CLIP4: variants seen among roughly 807,000 people sequenced by gnomAD.
CLIP4 encodes the protein CAP-Gly domain-containing linker protein 4.
Under a neutral mutation model 73.1 loss-of-function variants are expected in CLIP4, and 47 were observed. The ratio of observed to expected loss-of-function variants is 0.64; its 90% CI spans 0.51 to 0.82. The LOEUF (loss-of-function observed/expected upper bound fraction) is 0.82. Among genes scored for constraint, CLIP4 ranks in the 40% least tolerant of loss-of-function variants. The probability of loss-of-function intolerance (pLI) is 0.00; values close to 1 mark genes in which losing one functional copy is unlikely to be tolerated. For missense variants in CLIP4, 874 were observed against 852.9 expected, an observed-to-expected ratio of 1.02 and a Z score of -0.31; for synonymous variants, 306 against 295.4, an observed-to-expected ratio of 1.04 and a Z score of -0.37.
chr2:29,128,453 A>G (rs1292193984), intron 2 of CLIP4, among the ~76,000 whole-genome samples: 1 of 152,074 alleles, frequency 6.6e-6, no homozygotes, highest in Non-Finnish European at 1.5e-5. Context: ...CAAAAACAAA[A>G]AAAAACAAAA....
intron 11 of CLIP4, 135 bp downstream of exon 11, chr2:29,157,482 C>G: frequency 7.2e-7 from 1 of 1,390,924 alleles, no homozygotes; most frequent in Non-Finnish European, 1.0e-6. Flanking sequence ...CTCTTCCCCA[C>G]CTCCCCCGAA....
chr2:29,104,386 C>T (rs1263951742), intron 1 of CLIP4, among the ~76,000 whole-genome samples: 1 of 152,174 alleles, frequency 6.6e-6, no homozygotes, highest in Admixed American at 6.5e-5. Context: ...AGTGATCCTC[C>T]AGCCTCAACC....
intron 1 of CLIP4, among the ~76,000 whole-genome samples, chr2:29,099,989 G>T (rs1327517025): frequency 6.6e-6 from 1 of 152,004 alleles, no homozygotes; most frequent in Non-Finnish European, 1.5e-5. Context: ...AATTCCCATT[G>T]TTAACTGCTG....
intron 8 of CLIP4, 29 bp downstream of exon 8, chr2:29,145,396 G>C (rs1666086063): frequency 1.3e-6 from 2 of 1,533,874 alleles, no homozygotes; most frequent in Non-Finnish European, 1.8e-6. Flanking sequence ...AACTCGGTAA[G>C]AATTAATTAA....
At chr2:29,168,562 G>T (rs542990404) in intron 14 of CLIP4, among the ~76,000 whole-genome samples, 106 of 105,788 alleles carry the variant, frequency 1.0e-3, no homozygotes, top group African/African-American at 3.8e-3. Flanking sequence ...TCTCTCTGTT[G>T]CCCAGGCTGG....
intron 2 of CLIP4, 43 bp downstream of exon 2, chr2:29,121,564 TG>T (rs746511555): frequency 6.2e-7 from 1 of 1,601,764 alleles, no homozygotes. Flanking sequence ...ACTGGTAACT[TG>T]ACTTCTCTGT....
chr2:29,138,048 G>A (rs1275236180), intron 6 of CLIP4, among the ~76,000 whole-genome samples: 3 of 152,090 alleles, frequency 2.0e-5, no homozygotes, highest in East Asian at 1.9e-4. Context: ...TGTTGCCTTC[G>A]CTTTTGAGGA....
At chr2:29,135,167 C>T (rs1665261184) in intron 5 of CLIP4, among the ~76,000 whole-genome samples, 1 of 152,136 alleles carries the variant, frequency 6.6e-6, no homozygotes, top group Admixed American at 6.6e-5. Context: ...AGGTTGCTGA[C>T]CCCTGAGCTA....
intron 2 of CLIP4, among the ~76,000 whole-genome samples, chr2:29,125,984 G>C (rs1327158369): frequency 6.6e-6 from 1 of 152,158 alleles, no homozygotes; most frequent in Admixed American, 6.5e-5. Context: ...AGACCAGCCT[G>C]ACCAACATGG....
At chr2:29,136,972 A>G (rs1665412434) in intron 6 of CLIP4, among the ~76,000 whole-genome samples, 1 of 151,822 alleles carries the variant, frequency 6.6e-6, no homozygotes, top group African/African-American at 2.4e-5. Flanking sequence ...AAAAAGGTAA[A>G]CGTATGGGTC....
At position 29,133,764 on chromosome 2, in the gene CLIP4, T is replaced by C. The variant is rs989343106; in HGVS notation, c.477T>C (p.Tyr159=). The C allele has an allele frequency of 6.2e-7, 1 of 1,613,252 alleles. No individual in the cohort carries two copies. Among genetic ancestry groups the C allele is most frequent in the African/African-American group, 1.3e-5 (1 of 74,900 alleles). ...TGAATGCTTTGCATTATGCTGCTTA[T>C]TTTGATGTCCCTGAACTTATAAGAG... ...TNMNALHYAA[Y]FDVPELIRVI... The change falls in exon 5 of 16, where the codon TAT becomes TAC. Residue 159 remains tyrosine, a synonymous_variant. Coordinates refer to ENST00000320081, the MANE Select transcript of CLIP4 (RefSeq NM_024692.6).
intron 9 of CLIP4, among the ~76,000 whole-genome samples, chr2:29,153,082 C>A (rs1193464679): frequency 6.6e-6 from 1 of 152,050 alleles, no homozygotes; most frequent in Non-Finnish European, 1.5e-5. Context: ...ATCCTCAAGG[C>A]TAGATTTCAT....
intron 8 of CLIP4, among the ~76,000 whole-genome samples, chr2:29,151,336 A>T (rs970106689): frequency 2.6e-5 from 4 of 152,202 alleles, no homozygotes; most frequent in African/African-American, 9.6e-5. Context: ...TTCCCAGAGT[A>T]TAAAATAATT....
At position 29,131,239 on chromosome 2, in the gene CLIP4, G is replaced by A; in HGVS notation, c.134-19G>A. The A allele has an allele frequency of 1.3e-6, 2 of 1,559,786 alleles. No homozygotes were observed. Among genetic ancestry groups the A allele is most frequent in the Non-Finnish European group, 1.7e-6 (2 of 1,144,814 alleles). On this transcript the variant is annotated intron_variant, in intron 2 of 15. Coordinates refer to ENST00000320081, the MANE Select transcript of CLIP4 (RefSeq NM_024692.6). ...TTGAAACTTTTAGTAAATTTAATTTGCATCTTTTTTTATTTCAGAATTTTC... is the reference window on the plus strand; with the variant it reads ...TTGAAACTTTTAGTAAATTTAATTTACATCTTTTTTTATTTCAGAATTTTC...
At chr2:29,166,039 ATCT>A (rs1164857915) in intron 13 of CLIP4, among the ~76,000 whole-genome samples, 1 of 151,548 alleles carries the variant, frequency 6.6e-6, no homozygotes, top group Non-Finnish European at 1.5e-5. Context: ...TCTTCCTGTC[ATCT>A]TCTGATTGTC....
intron 6 of CLIP4, among the ~76,000 whole-genome samples, chr2:29,136,604 G>A (rs546864771): frequency 1.2e-3 from 181 of 152,236 alleles, no homozygotes; most frequent in African/African-American, 3.9e-3. Context: ...ACATGATGGG[G>A]CGGGGGTGGC....
intron 14 of CLIP4, among the ~76,000 whole-genome samples, chr2:29,169,731 C>A (rs1054422332): frequency 1.3e-5 from 2 of 152,042 alleles, no homozygotes; most frequent in Non-Finnish European, 2.9e-5. Flanking sequence ...CCTCAAACAT[C>A]GATCTTTTCT....
At chr2:29,144,958 A>G (rs918761143) in intron 7 of CLIP4, among the ~76,000 whole-genome samples, 21 of 151,522 alleles carry the variant, frequency 1.4e-4, no homozygotes, top group Admixed American at 7.2e-4. Flanking sequence ...GTGTGCTACT[A>G]TCCAGCTAAT....
Position 29,181,649 on chromosome 2 carries a change from A to AG in CLIP4, c.1878dup (p.Ser627ValfsTer10). On this transcript the variant is annotated frameshift_variant, in exon 16 of 16. Coordinates refer to ENST00000320081, the MANE Select transcript of CLIP4 (RefSeq NM_024692.6). LOFTEE classifies it high-confidence loss of function. ...ATTGAAGGGAGCGTGAAGCTGCACGAGGGGTCTCAGGTCCTGCTCACGAGC... is the reference window on the plus strand; with the variant it reads ...ATTGAAGGGAGCGTGAAGCTGCACGAGGGGGTCTCAGGTCCTGCTCACGAGC... The AG allele has an allele frequency of 6.2e-7, 1 of 1,614,148 alleles. No individual in the cohort carries two copies. Among genetic ancestry groups the AG allele is most frequent in the South Asian group, 1.1e-5 (1 of 91,076 alleles).
Sources: gnomAD v4.1 joint callset for allele counts (sites outside exome capture counted in the v4.1 genomes callset) on GRCh38, gnomAD v4.1.1 for gene constraint, MANE v1.5 for transcripts, NCBI Gene and HGNC (gene_info 2026-07-23, HGNC 2026-07-21) for gene names.